POF1B: variants seen among roughly 807,000 people sequenced by gnomAD.
POF1B encodes protein POF1B.
POF1B carries 53 observed loss-of-function variants against 55.3 expected under a neutral mutation model. The ratio of observed to expected loss-of-function variants is 0.96; its 90% CI spans 0.77 to 1.20. POF1B has a LOEUF of 1.20. POF1B is among the 50% of genes most tolerant of loss of function. The probability of loss-of-function intolerance (pLI) is 0.00; values close to 1 mark genes in which losing one functional copy is unlikely to be tolerated. For missense variants in POF1B, 478 were observed against 420.5 expected (o/e 1.14, Z -1.20); for synonymous variants, 188 against 148.3 (o/e 1.27, Z -1.95).
chrX:85,294,783 A>T (rs773830384), intron 15 of POF1B, among the ~76,000 whole-genome samples: 4 of 111,926 alleles, frequency 3.6e-5, no homozygotes, highest in Non-Finnish European at 7.5e-5. Flanking sequence ...TAGCTATGGT[A>T]GGATTGATAG....
At position 85,314,521 on chromosome X, in the gene POF1B, G is replaced by A; in HGVS notation, c.883-15C>T. ...ATGTCTTCCGACTGTAAGAAAAAAA[G>A]GCTTATCCATGGAACAGATACATAT... On this transcript the variant is annotated splice_polypyrimidine_tract_variant and intron_variant, in intron 8 of 16. Transcript: ENST00000262753. 8.6e-7 allele frequency: 1 copy of A among 1,156,945 alleles called. No homozygotes were observed. The highest frequency in any genetic ancestry group is 1.2e-6 in the Non-Finnish European group (1 of 859,286).
chrX:85,305,800 G>A lies in POF1B; in HGVS notation c.1428C>T (p.Cys476=). Residue 476 remains cysteine (C), a synonymous_variant, in exon 13 of 17, where the codon TGC becomes TGT. Transcript: ENST00000262753. ...TGTAGGATCAACATACCCTCAGTCT[G>A]CAGATCTCTCTATCTTTCTCCATTC... is the stretch of plus-strand genomic sequence containing the variant. The part of the protein sequence containing the change: ...NLRMEKDREI[C]RLRSQLNQYH... 2 of 1,208,555 alleles carry A rather than the reference G, an allele frequency of 1.7e-6. No homozygotes were observed. Among genetic ancestry groups the A allele is most frequent in the Non-Finnish European group, 2.2e-6 (2 of 893,640 alleles).
At chrX:85,371,138 T>G (rs1933812656) in intron 2 of POF1B, among the ~76,000 whole-genome samples, 1 of 111,427 alleles carries the variant, frequency 9.0e-6, no homozygotes, top group South Asian at 3.8e-4. Context: ...GTAATACTGG[T>G]CAACTCATGT....
At chrX:85,307,093 C>A in intron 11 of POF1B, 70 bp downstream of exon 11, 1 of 808,486 alleles carries the variant, frequency 1.2e-6, no homozygotes, top group Non-Finnish European at 1.8e-6. Context: ...CTCATAACTC[C>A]AATGTGCCAG....
chrX:85,337,938 T>C (rs1272241505), intron 6 of POF1B, among the ~76,000 whole-genome samples: 4 of 111,593 alleles, frequency 3.6e-5, no homozygotes, highest in African/African-American at 1.3e-4. Flanking sequence ...GTTAAACAAT[T>C]GTGCAAATAA....
At chrX:85,359,268 A>G (rs1569297144) in intron 4 of POF1B, among the ~76,000 whole-genome samples, 2 of 111,262 alleles carry the variant, frequency 1.8e-5, no homozygotes, top group African/African-American at 3.3e-5. Context: ...AGTGCATAAA[A>G]GTCTTTTGTA....
chrX:85,320,159 G>A (rs969433297), intron 7 of POF1B, among the ~76,000 whole-genome samples: 3 of 111,024 alleles, frequency 2.7e-5, no homozygotes, highest in Admixed American at 1.9e-4. Context: ...GTGTGCATAA[G>A]GGTGTTTGTA....
rs2147934692 is a variant in POF1B at position 85,345,923 on chromosome X, A to AT, written c.659dup (p.Asn220LysfsTer10). 1 of 1,208,416 alleles carries AT rather than the reference A, an allele frequency of 8.3e-7. No individual in the cohort carries two copies. Among genetic ancestry groups the AT allele is most frequent in the East Asian group, 3.0e-5 (1 of 33,701 alleles). On this transcript the variant is annotated frameshift_variant, in exon 6 of 17. Coordinates refer to ENST00000262753, the MANE Select transcript of POF1B (RefSeq NM_024921.4). LOFTEE classifies it high-confidence loss of function. ...CATTTCCAATATGTGTAGAAATTGGATTATTTCCTGTGATGGCTTGGATTT... is the reference window on the plus strand; with the variant it reads ...CATTTCCAATATGTGTAGAAATTGGATTTATTTCCTGTGATGGCTTGGATTT...
chrX:85,306,047 C>T (rs1603033270), intron 12 of POF1B, 134 bp downstream of exon 12: 2 of 946,312 alleles, frequency 2.1e-6, no homozygotes, highest in East Asian at 3.1e-5. Flanking sequence ...TCAGGAACTG[C>T]ATTATAAAGC....
chrX:85,336,603 C>A lies in POF1B; in HGVS notation c.724-5524G>T, dbSNP rs1436909945. ...ACACCTCCCGTTTGCCATTTGTACACCTTCTATTGAGAAATCTCTACTCAG... is the reference window on the plus strand; with the variant it reads ...ACACCTCCCGTTTGCCATTTGTACAACTTCTATTGAGAAATCTCTACTCAG... On this transcript the variant is annotated intron_variant, in intron 6 of 16. Transcript: ENST00000262753. Among the ~76,000 whole-genome samples, 3 of 111,317 alleles carry A rather than the reference C, an allele frequency of 2.7e-5. No homozygotes were observed. In the East Asian group the frequency reaches 8.6e-4, roughly 32 times the overall value.
chrX:85,325,034 C>A (rs927282926), intron 7 of POF1B, among the ~76,000 whole-genome samples: 9 of 111,916 alleles, frequency 8.0e-5, no homozygotes, highest in Non-Finnish European at 1.1e-4. Flanking sequence ...TCTCTTTTGG[C>A]TTGTAGGATT....
chrX:85,300,210 G>A (rs913617750), intron 15 of POF1B, among the ~76,000 whole-genome samples: 1 of 111,665 alleles, frequency 9.0e-6, no homozygotes. Context: ...CTTTGTACAT[G>A]CCCAAGGCTG....
intron 6 of POF1B, among the ~76,000 whole-genome samples, chrX:85,337,638 G>A (rs1209951811): frequency 9.0e-6 from 1 of 111,523 alleles, no homozygotes. Context: ...CTGTACAATA[G>A]TCACAATTCT....
chrX:85,377,780 A>T (rs1689800333), intron 2 of POF1B, among the ~76,000 whole-genome samples: 1 of 112,218 alleles, frequency 8.9e-6, no homozygotes, highest in Non-Finnish European at 1.9e-5. Context: ...TGAACCAAGG[A>T]GTAAATAATA....
At chrX:85,359,488 G>A (rs1933564344) in intron 4 of POF1B, 62 bp downstream of exon 4, 4 of 828,739 alleles carry the variant, frequency 4.8e-6, no homozygotes, top group Non-Finnish European at 7.1e-6. Context: ...AACTGATTAA[G>A]CCTTTTTGTT....
Position 85,379,455 on chromosome X carries a change from C to A in POF1B, c.-1G>T, listed in dbSNP as rs190308461. Reference sequence around the variant, plus strand: ...TCTCACTCCAATAGCTCGAGCTCATCTTCTTCCAGTGGTCAGCAAGGGACC... The same window carrying A: ...TCTCACTCCAATAGCTCGAGCTCATATTCTTCCAGTGGTCAGCAAGGGACC... On this transcript the variant is annotated 5_prime_UTR_variant, in exon 2 of 17. Transcript: ENST00000262753. The A allele has an allele frequency of 9.1e-6, 11 of 1,205,538 alleles. No homozygotes were observed. Among genetic ancestry groups the A allele is most frequent in the Non-Finnish European group, 1.1e-5 (10 of 894,022 alleles).
At chrX:85,293,988 TAAAG>T (rs1038815638) in intron 15 of POF1B, among the ~76,000 whole-genome samples, 9 of 107,167 alleles carry the variant, frequency 8.4e-5, no homozygotes, top group Admixed American at 4.0e-4. Context: ...AAAAAATAAA[TAAAG>T]AAGAAGAAGA....
intron 6 of POF1B, among the ~76,000 whole-genome samples, chrX:85,340,488 T>C (rs1221620667): frequency 9.0e-6 from 1 of 111,087 alleles, no homozygotes; most frequent in Non-Finnish European, 1.9e-5. Context: ...AAAGAGACAT[T>C]CAGAATCCCA....
chrX:85,348,399 C>G (rs922050718), intron 5 of POF1B, among the ~76,000 whole-genome samples: 1 of 111,031 alleles, frequency 9.0e-6, no homozygotes, highest in African/African-American at 3.3e-5. Context: ...ATGATGAGTA[C>G]AAATCATATG....
Sources: gnomAD v4.1 joint callset for allele counts (sites outside exome capture counted in the v4.1 genomes callset) on GRCh38, gnomAD v4.1.1 for gene constraint, MANE v1.5 for transcripts, NCBI Gene and HGNC (gene_info 2026-07-23, HGNC 2026-07-21) for gene names.